Variants in PSPC1 observed in about 807,000 individuals in gnomAD.
PSPC1 encodes the protein paraspeckle component 1.
A neutral mutation model predicts 51.6 loss-of-function variants in PSPC1; 14 were observed. That is an observed-to-expected ratio of 0.27 (90% confidence interval 0.18 to 0.42). The LOEUF (loss-of-function observed/expected upper bound fraction) is 0.42. Among genes scored for constraint, PSPC1 ranks in the 10% least tolerant of loss-of-function variants. The pLI, the probability that PSPC1 is intolerant of heterozygous loss-of-function variation, is 1.00. For missense variants in PSPC1, 406 were observed against 701.1 expected, an observed-to-expected ratio of 0.58 and a Z score of 4.75; for synonymous variants, 193 against 231.9, an observed-to-expected ratio of 0.83 and a Z score of 1.53.
chr13:19,777,106 C>A (rs9508885), intron 1 of PSPC1, among the ~76,000 whole-genome samples: 4 of 127,372 alleles, frequency 3.1e-5, no homozygotes, highest in Non-Finnish European at 3.2e-5. Flanking sequence ...TGGGTGACAG[C>A]GAGGCTCCAT....
intron 5 of PSPC1, among the ~76,000 whole-genome samples, chr13:19,741,031 C>T (rs1168200668): frequency 6.6e-6 from 1 of 152,056 alleles, no homozygotes. Flanking sequence ...CGTGCCACCA[C>T]AGCCAGCTAA....
At chr13:19,735,881 G>A (rs1331734036) in intron 5 of PSPC1, among the ~76,000 whole-genome samples, 1 of 151,996 alleles carries the variant, frequency 6.6e-6, no homozygotes, top group Non-Finnish European at 1.5e-5. Context: ...GAGTGCAGTG[G>A]CGCCATCTCT....
chr13:19,750,459 A>AATAT (rs67130075), intron 4 of PSPC1, among the ~76,000 whole-genome samples: 11,223 of 148,352 alleles, frequency 0.076, 478 homozygotes, highest in Middle Eastern at 0.11. Context: ...AACAAACAAA[A>AATAT]ATATATATAT....
downstream of PSPC1, among the ~76,000 whole-genome samples, chr13:19,700,697 A>C (rs1463324244): frequency 6.6e-6 from 1 of 152,118 alleles, no homozygotes; most frequent in African/African-American, 2.4e-5. Context: ...TGAAGACTTT[A>C]AACTCAGTAC....
chr13:19,757,899 T>C (rs1421473868), intron 3 of PSPC1, among the ~76,000 whole-genome samples: 2 of 152,196 alleles, frequency 1.3e-5, no homozygotes, highest in African/African-American at 2.4e-5. Context: ...GCAGTCCATC[T>C]AGGGAATGGG....
chr13:19,751,137 TCA>T, intron 4 of PSPC1, 132 bp downstream of exon 4: 1 of 621,036 alleles, frequency 1.6e-6, no homozygotes, highest in Non-Finnish European at 2.5e-6. Flanking sequence ...AGGGAGATTT[TCA>T]CACCTAATAT....
intron 6 of PSPC1, among the ~76,000 whole-genome samples, chr13:19,717,617 A>G (rs1267995640): frequency 6.6e-6 from 1 of 151,270 alleles, no homozygotes; most frequent in Non-Finnish European, 1.5e-5. Flanking sequence ...GAGGCAGGAA[A>G]ATCGCTTGAA....
chr13:19,695,617 T>C (rs1314342502), intron 6 of PSPC1, among the ~76,000 whole-genome samples: 3 of 152,126 alleles, frequency 2.0e-5, no homozygotes, highest in Non-Finnish European at 4.4e-5. Context: ...CCGTTAAATA[T>C]GCATGCTGGT....
chr13:19,724,246 G>C lies in PSPC1; in HGVS notation c.1158+5993C>G, dbSNP rs183919686. Among the ~76,000 whole-genome samples, 119 of 152,172 alleles carry C rather than the reference G, an allele frequency of 7.8e-4. 1 individual carries two copies. Among genetic ancestry groups the C allele is most frequent in the Admixed American group, 2.3e-3 (35 of 15,276 alleles). The stretch of plus-strand genomic sequence containing the variant: ...TCTGGAATCTTCACAAACCATTTCA[G>C]AAAATAAATTTGTATCTATTCATTA... On this transcript the variant is annotated intron_variant, in intron 6 of 8. Coordinates refer to ENST00000338910, the MANE Select transcript of PSPC1 (RefSeq NM_001354909.2).
intron 2 of PSPC1, among the ~76,000 whole-genome samples, chr13:19,759,621 G>C (rs1327811117): frequency 6.6e-6 from 1 of 152,006 alleles, no homozygotes; most frequent in Non-Finnish European, 1.5e-5. Context: ...AGTACTTTGG[G>C]AGGCCAAGGA....
At chr13:19,781,987 T>G (rs1008354122) in intron 1 of PSPC1, among the ~76,000 whole-genome samples, 3 of 152,170 alleles carry the variant, frequency 2.0e-5, no homozygotes, top group Non-Finnish European at 4.4e-5. Flanking sequence ...ATTTTTGCCT[T>G]GAAGAATTCT....
chr13:19,708,709 T>C (rs1159598808), intron 7 of PSPC1, among the ~76,000 whole-genome samples: 1 of 152,140 alleles, frequency 6.6e-6, no homozygotes, highest in Non-Finnish European at 1.5e-5. Context: ...TGCACAACAC[T>C]GTAGGTTAAA....
At chr13:19,707,567 T>C (rs1381889756) in intron 7 of PSPC1, among the ~76,000 whole-genome samples, 1 of 152,158 alleles carries the variant, frequency 6.6e-6, no homozygotes, top group Admixed American at 6.5e-5. Flanking sequence ...TCACATTGAA[T>C]GAAGACTGAA....
rs1271393125 is a variant in PSPC1, at chr13:19,772,462, C to T, written c.454G>A (p.Ala152Thr). ...ACAGTCAAGGCTGCTCCATGTGTAG[C>T]GAAGCGAATCCGTAGAGGTCTGCTC... The part of the protein sequence containing the change: ...LKSRPLRIRF[A>T]THGAALTVKN... Residue 152 changes from alanine (A) to threonine (T), a missense_variant, in exon 2 of 9, where the codon GCT (alanine) becomes ACT (threonine). Transcript: ENST00000338910. The T allele has an allele frequency of 6.2e-7, 1 of 1,614,214 alleles. No homozygotes were observed. The highest frequency in any genetic ancestry group is 8.5e-7 in the Non-Finnish European group (1 of 1,180,046).
At chr13:19,752,568 T>G (rs1020063123) in intron 3 of PSPC1, among the ~76,000 whole-genome samples, 1 of 151,894 alleles carries the variant, frequency 6.6e-6, no homozygotes, top group African/African-American at 2.4e-5. Flanking sequence ...AGTCAATTTT[T>G]TTTTCACTTT....
At position 19,782,088 on chromosome 13, in the gene PSPC1, G is replaced by A. The variant is rs1339034968; in HGVS notation, c.372+298C>T. On this transcript the variant is annotated intron_variant, in intron 1 of 8. Transcript: ENST00000338910. This position sits in a 1 kb window ranked among gnomAD's most constrained non-coding sequence, Gnocchi z 4.5. ...GGAGCGCTCGCTACCTGGACAGGGT[G>A]CACCATGCCCGATCCAGCGCAGGGC... Among the ~76,000 whole-genome samples, 1 of 152,236 alleles carries A rather than the reference G, an allele frequency of 6.6e-6. No homozygotes were observed. Among genetic ancestry groups the A allele is most frequent in the African/African-American group, 2.4e-5 (1 of 41,474 alleles).
At chr13:19,731,824 T>C (rs1406308686) in intron 5 of PSPC1, among the ~76,000 whole-genome samples, 1 of 152,068 alleles carries the variant, frequency 6.6e-6, no homozygotes, top group Non-Finnish European at 1.5e-5. Flanking sequence ...TGTGAAAAAA[T>C]CCAAAATACT....
At chr13:19,749,117 C>T (rs1251461313) in intron 4 of PSPC1, among the ~76,000 whole-genome samples, 2 of 152,062 alleles carry the variant, frequency 1.3e-5, no homozygotes, top group Non-Finnish European at 2.9e-5. Context: ...GAGGCCGAGG[C>T]GGGCGGATCA....
intron 4 of PSPC1, among the ~76,000 whole-genome samples, chr13:19,745,436 A>C (rs1234217452): frequency 2.0e-5 from 3 of 152,098 alleles, no homozygotes; most frequent in African/African-American, 7.2e-5. Context: ...ATATAAACAA[A>C]CTAAAATTTT....
Sources: allele counts gnomAD v4.1 joint callset (sites outside exome capture counted in the v4.1 genomes callset), GRCh38; gene constraint gnomAD v4.1.1; non-coding constraint Gnocchi (gnomAD v3.1); transcripts MANE v1.5; gene names NCBI Gene and HGNC (gene_info 2026-07-23, HGNC 2026-07-21).